Variants in AK7 observed in about 807,000 individuals in gnomAD.
AK7 encodes the protein adenylate kinase 7.
Under a neutral mutation model 96.6 loss-of-function variants are expected in AK7, and 78 were observed. The ratio of observed to expected loss-of-function variants is 0.81; its 90% CI spans 0.67 to 0.97. The LOEUF (loss-of-function observed/expected upper bound fraction) is 0.97, where lower values mean the gene tolerates loss of function less well. Ranked by LOEUF, AK7 falls within the 50% of genes least tolerant of loss-of-function variation. AK7 has a pLI of 0.00. For missense variants in AK7, 855 were observed against 887.9 expected (o/e 0.96, Z 0.47); for synonymous variants, 302 against 317.2 (o/e 0.95, Z 0.51).
chr14:96,475,613 T>C (rs1372989853), intron 14 of AK7, among the ~76,000 whole-genome samples: 1 of 152,166 alleles, frequency 6.6e-6, no homozygotes, highest in Admixed American at 6.6e-5. Context: ...TGTTACTATC[T>C]TTAGGTATTG....
Position 96,458,879 on chromosome 14 carries a change from C to A in AK7, c.1357+667C>A, listed in dbSNP as rs1894091016. ...AAGCCATGATCATGCCCTTGCACTC[C>A]AGCCTCAGTGACAGAGTAAGATCCT... is the stretch of plus-strand genomic sequence containing the variant. On this transcript the variant is annotated intron_variant, in intron 12 of 17. Coordinates refer to ENST00000267584, the MANE Select transcript of AK7 (RefSeq NM_152327.5). 2.2e-5 allele frequency among the ~76,000 whole-genome samples: 3 copies of A among 135,492 alleles called. No homozygotes were observed. The South Asian group carries it at 7.0e-4, about 31-fold the overall frequency. The allele number at this position is 135,492 out of a possible 152,430, so 88.9% of individuals were successfully genotyped here. A position where few individuals can be genotyped will look rare whatever the true frequency, so the allele number is the denominator to read the frequency against.
rs185097447 is a variant in AK7, at chr14:96,446,229, T to C, written c.780-288T>C. 5.5e-3 allele frequency among the ~76,000 whole-genome samples: 837 copies of C among 151,922 alleles called. 19 individuals carry two copies. Among genetic ancestry groups the C allele is most frequent in the African/African-American group, 0.019 (798 of 41,234 alleles). ...CCCCTTGTTGGGAGACAGGGCAGTA[T>C]GCTAGAAAGAAGACAGGTCCAGAAC... On this transcript the variant is annotated intron_variant, in intron 7 of 17. Coordinates refer to ENST00000267584, the MANE Select transcript of AK7 (RefSeq NM_152327.5).
At chr14:96,456,132 G>A (rs936251140) in intron 10 of AK7, among the ~76,000 whole-genome samples, 1 of 151,250 alleles carries the variant, frequency 6.6e-6, no homozygotes, top group African/African-American at 2.4e-5. Flanking sequence ...TCAGCTACTC[G>A]GGAGGCTGAG....
Position 96,483,038 on chromosome 14 carries a change from T to C in AK7, c.1793T>C (p.Ile598Thr). 1 of 1,614,160 alleles carries C rather than the reference T, an allele frequency of 6.2e-7. No individual in the cohort carries two copies. The highest frequency in any genetic ancestry group is 8.5e-7 in the Non-Finnish European group (1 of 1,180,050). ...KLEDAQNRLA[I>T]KQLIKEIGEP... The stretch of plus-strand genomic sequence containing the variant: ...GAAGATGCTCAGAATAGACTTGCTA[T>C]CAAACAGCTCATCAAAGAGATTGGG... Residue 598 changes from isoleucine to threonine, a missense_variant, in exon 16 of 18, where the codon ATC (isoleucine) becomes ACC (threonine). By Grantham distance (89) the Ile-to-Thr change is moderately conservative (BLOSUM62 -1). Coordinates refer to ENST00000267584, the MANE Select transcript of AK7 (RefSeq NM_152327.5).
chr14:96,446,411 C>T lies in AK7; in HGVS notation c.780-106C>T, dbSNP rs536353285. ...TGAAAATGGAGATAACTTATCAAAG[C>T]ACCAAACCCCACGCCCAGCCATGGG... is the stretch of plus-strand genomic sequence containing the variant. On this transcript the variant is annotated intron_variant, in intron 7 of 17. Transcript: ENST00000267584. The T allele has an allele frequency of 1.8e-4, 161 of 889,618 alleles. 1 individual carries two copies. Among genetic ancestry groups the T allele is most frequent in the Middle Eastern group, 1.1e-3 (5 of 4,432 alleles). The allele number at this position is 889,618 out of a possible 1,614,324, so 55.1% of individuals were successfully genotyped here.
intron 5 of AK7, among the ~76,000 whole-genome samples, chr14:96,435,856 G>C (rs1892609097): frequency 6.6e-6 from 1 of 152,144 alleles, no homozygotes; most frequent in Non-Finnish European, 1.5e-5. Flanking sequence ...CAAATGCTGT[G>C]TTCTCCCTCC....
intron 2 of AK7, among the ~76,000 whole-genome samples, chr14:96,401,980 C>T (rs145165167): frequency 4.5e-4 from 68 of 152,138 alleles, no homozygotes; most frequent in African/African-American, 1.5e-3. Context: ...TGGCTAAGGG[C>T]GTGAGTAGGG....
At chr14:96,472,817 C>T in intron 14 of AK7, 62 bp downstream of exon 14, 2 of 1,431,248 alleles carry the variant, frequency 1.4e-6, no homozygotes, top group Non-Finnish European at 1.9e-6. Context: ...CGTGGTGGCT[C>T]ACGCCTGTAA....
intron 17 of AK7, 22 bp from the exon 18 acceptor site, chr14:96,488,278 GTTGAC>G (rs762326503): frequency 6.6e-5 from 105 of 1,597,600 alleles, no homozygotes; most frequent in Non-Finnish European, 8.2e-5. Context: ...CTTGTAAACT[GTTGAC>G]TTGTCTTTTT....
At chr14:96,453,826 C>A (rs1474515962) in intron 10 of AK7, among the ~76,000 whole-genome samples, 2 of 152,112 alleles carry the variant, frequency 1.3e-5, no homozygotes, top group Middle Eastern at 3.2e-3. Context: ...AAGGACCCAC[C>A]CTTGGTCCGT....
chr14:96,452,468 G>A (rs1313088982), intron 10 of AK7, among the ~76,000 whole-genome samples: 5 of 149,204 alleles, frequency 3.4e-5, no homozygotes, highest in Non-Finnish European at 5.9e-5. Flanking sequence ...TGAGATTACA[G>A]GTGTGCACCA....
intron 12 of AK7, among the ~76,000 whole-genome samples, chr14:96,465,473 A>G (rs1894512160): frequency 6.6e-6 from 1 of 151,976 alleles, no homozygotes; most frequent in Admixed American, 6.5e-5. Context: ...AAAAAAAAAA[A>G]AGGCTAAAAA....
chr14:96,410,811 C>T (rs552821772), intron 4 of AK7, among the ~76,000 whole-genome samples: 2 of 151,894 alleles, frequency 1.3e-5, no homozygotes, highest in South Asian at 2.1e-4. Context: ...AAGACCAGCC[C>T]GGGTAACAGG....
intron 10 of AK7, 34 bp downstream of exon 10, chr14:96,451,604 T>C: frequency 7.1e-7 from 1 of 1,402,520 alleles, no homozygotes; most frequent in Non-Finnish European, 9.4e-7. Flanking sequence ...AAACTTCTGA[T>C]TCAAGCAAAA....
At chr14:96,487,957 G>T (rs1488730147) in intron 17 of AK7, 2 of 384,882 alleles carry the variant, frequency 5.2e-6, no homozygotes, top group Non-Finnish European at 5.1e-6. Flanking sequence ...TTGTTGCTCA[G>T]GTTGGAATGC....
chr14:96,478,447 G>C lies in AK7; in HGVS notation c.1556-18G>C. ...TGCGCTGTATTGTGCCAACTCTGGA[G>C]TCTGTCCTTCTCCCCAGAATTCGTT... is the stretch of plus-strand genomic sequence containing the variant. On this transcript the variant is annotated intron_variant, in intron 14 of 17. Coordinates refer to ENST00000267584, the MANE Select transcript of AK7 (RefSeq NM_152327.5). 6.2e-7 allele frequency: 1 copy of C among 1,614,000 alleles called. No individual in the cohort carries two copies.
At chr14:96,392,486 C>T (rs1038200544) in intron 1 of AK7, among the ~76,000 whole-genome samples, 1 of 152,206 alleles carries the variant, frequency 6.6e-6, no homozygotes, top group Non-Finnish European at 1.5e-5. Flanking sequence ...ATCACTGGTC[C>T]ATCCCCTGTT....
At chr14:96,456,218 CA>C in intron 10 of AK7, 128 bp from the exon 11 acceptor site, 4 of 1,012,388 alleles carry the variant, frequency 4.0e-6, no homozygotes, top group Non-Finnish European at 5.4e-6. Flanking sequence ...GCCCGAGCAA[CA>C]GAGTGAGAGA....
chr14:96,436,948 C>A (rs1449338232), intron 5 of AK7, among the ~76,000 whole-genome samples: 1 of 152,050 alleles, frequency 6.6e-6, no homozygotes. Context: ...GGTTAGGAAG[C>A]TCATCATCAT....
Sources: gnomAD v4.1 joint callset for allele counts (sites outside exome capture counted in the v4.1 genomes callset) on GRCh38, gnomAD v4.1.1 for gene constraint, MANE v1.5 for transcripts, NCBI Gene and HGNC (gene_info 2026-07-23, HGNC 2026-07-21) for gene names.